Variants in NPAT observed in about 807,000 individuals in gnomAD.
NPAT encodes protein NPAT.
A neutral mutation model predicts 130.7 loss-of-function variants in NPAT; 52 were observed. The ratio of observed to expected loss-of-function variants is 0.40; its 90% confidence interval spans 0.32 to 0.50. NPAT has a LOEUF of 0.50. Among genes scored for constraint, NPAT ranks in the 20% least tolerant of loss-of-function variants. The pLI is 0.68. For synonymous variants in NPAT, 580 were observed against 584.8 expected, an observed-to-expected ratio of 0.99 and a Z score of 0.12; for missense variants, 1,687 against 1,662.6, an observed-to-expected ratio of 1.01 and a Z score of -0.26.
At chr11:108,176,185 T>C (rs2078004194) in intron 12 of NPAT, 61 bp downstream of exon 12, 1 of 1,263,620 alleles carries the variant, frequency 7.9e-7, no homozygotes, top group Non-Finnish European at 1.1e-6. Flanking sequence ...TTTTCTGCCT[T>C]TGAATTTTGA....
intron 4 of NPAT, 44 bp from the exon 5 acceptor site, chr11:108,190,544 T>C (rs2078159622): frequency 6.5e-7 from 1 of 1,549,566 alleles, no homozygotes; most frequent in Admixed American, 1.7e-5. Context: ...AAATGTTTGT[T>C]GCTGACATCC....
chr11:108,185,271 C>T lies in NPAT; in HGVS notation c.867G>A (p.Thr289=), dbSNP rs574212505. The part of the protein sequence containing the change: ...QVPKQTDNNP[T]EPETSIDEFL... ...ATTCATCAATTGAAGTCTCTGGCTC[C>T]GTAGGGTTGTTATCTGTTTGCTTAG... Residue 289 remains threonine (T), a synonymous_variant, in exon 10 of 18, where the codon ACG becomes ACA. Transcript: ENST00000278612. 9.3e-6 allele frequency: 15 copies of T among 1,612,360 alleles called. No individual in the cohort carries two copies. Among genetic ancestry groups the T allele is most frequent in the Middle Eastern group, 1.7e-4 (1 of 6,058 alleles).
At chr11:108,200,698 C>A (rs1165566563) in intron 1 of NPAT, among the ~76,000 whole-genome samples, 1 of 152,114 alleles carries the variant, frequency 6.6e-6, no homozygotes. Flanking sequence ...CCTGCAACAG[C>A]CCTTGTAATA....
intron 1 of NPAT, among the ~76,000 whole-genome samples, chr11:108,201,782 A>T (rs914144109): frequency 1.3e-5 from 2 of 152,220 alleles, no homozygotes; most frequent in African/African-American, 4.8e-5. Flanking sequence ...TATTAGAGAG[A>T]TCTGCAGTTA....
Position 108,173,864 on chromosome 11 carries a change from A to G in NPAT, c.1133-13T>C, listed in dbSNP as rs1407571561. On this transcript the variant is annotated splice_polypyrimidine_tract_variant and intron_variant, in intron 12 of 17. Transcript: ENST00000278612. Reference sequence around the variant, plus strand: ...CCAGACTGACCATCTGCAAAGTATCAGGCAGGTAGACAGATATGGTAAATA... The same window carrying G: ...CCAGACTGACCATCTGCAAAGTATCGGGCAGGTAGACAGATATGGTAAATA... 2 of 1,608,464 alleles carry G rather than the reference A, an allele frequency of 1.2e-6. No homozygotes were observed. The highest frequency in any genetic ancestry group is 1.1e-5 in the South Asian group (1 of 90,962).
intron 5 of NPAT, among the ~76,000 whole-genome samples, chr11:108,189,843 CT>C (rs2134864074): frequency 6.9e-6 from 1 of 144,470 alleles, no homozygotes; most frequent in Admixed American, 7.0e-5. Flanking sequence ...GCACTCCAGC[CT>C]GGGCGACAGA....
At chr11:108,199,792 C>G (rs907122308) in intron 1 of NPAT, among the ~76,000 whole-genome samples, 1 of 152,198 alleles carries the variant, frequency 6.6e-6, no homozygotes, top group Admixed American at 6.5e-5. Flanking sequence ...CTGGCTGAGG[C>G]TACACCTCAG....
At chr11:108,202,131 G>A in intron 1 of NPAT, among the ~76,000 whole-genome samples, 1 of 152,150 alleles carries the variant, frequency 6.6e-6, no homozygotes, top group East Asian at 1.9e-4. Context: ...CTGATTCTAA[G>A]TATACTTTCC....
chr11:108,171,124 ATTTTTTTTTTTT>A lies in NPAT; in HGVS notation c.2785+1063_2785+1074del, dbSNP rs63478164. ...CCACAAGAGCCCCTATGAAAAAAGG[ATTTTTTTTTTTT>A]TTTTTTTTTTTGGAGACAGAGTCTT... On this transcript the variant is annotated intron_variant, in intron 13 of 17. Coordinates refer to ENST00000278612, the MANE Select transcript of NPAT (RefSeq NM_002519.3). The A allele has an allele frequency of 5.2e-5, 5 of 95,848 alleles. No individual in the cohort carries two copies. In the Admixed American group the frequency reaches 5.9e-4, roughly 11 times the overall value. The allele number at this position is 95,848 out of a possible 1,614,324, so 5.9% of individuals were successfully genotyped here.
At chr11:108,213,542 G>A (rs1404775111) in intron 1 of NPAT, among the ~76,000 whole-genome samples, 1 of 152,164 alleles carries the variant, frequency 6.6e-6, no homozygotes, top group African/African-American at 2.4e-5. Context: ...TGTGTTCATG[G>A]ACTGAAAGGT....
At chr11:108,198,558 G>A (rs1167164041) in intron 1 of NPAT, among the ~76,000 whole-genome samples, 1 of 152,188 alleles carries the variant, frequency 6.6e-6, no homozygotes, top group Non-Finnish European at 1.5e-5. Context: ...GCCAAAGACA[G>A]TCTGAAGCCT....
chr11:108,209,948 A>G (rs1029419019), intron 1 of NPAT, among the ~76,000 whole-genome samples: 1 of 151,826 alleles, frequency 6.6e-6, no homozygotes, highest in Non-Finnish European at 1.5e-5. Context: ...AAGAAACTAG[A>G]AAAAGAGCAA....
chr11:108,218,960 A>G (rs1366060550), intron 1 of NPAT, among the ~76,000 whole-genome samples: 1 of 152,218 alleles, frequency 6.6e-6, no homozygotes. Context: ...CAAATGTTTT[A>G]TTAAATATCT....
At chr11:108,167,380 A>T (rs371614538) in intron 15 of NPAT, among the ~76,000 whole-genome samples, 1 of 152,052 alleles carries the variant, frequency 6.6e-6, no homozygotes, top group African/African-American at 2.4e-5. Flanking sequence ...GGCTACTTTT[A>T]AAAAATTTAT....
Position 108,189,108 on chromosome 11 carries a change from G to A in NPAT, c.554C>T (p.Thr185Ile), listed in dbSNP as rs1419673233. The A allele has an allele frequency of 6.2e-7, 1 of 1,609,964 alleles. No homozygotes were observed. The highest frequency in any genetic ancestry group is 8.5e-7 in the Non-Finnish European group (1 of 1,176,472). ...VNHSQSQDTV[T>I]TGEALNVIPG... ...AAGAGAACAAAATGTAAACTTACTG[G>A]TTACAGTATCTTGTGACTGTGAGTG... Residue 185 changes from threonine to isoleucine, a missense_variant and splice_region_variant, in exon 6 of 18, where the codon ACC (threonine) becomes ATC (isoleucine). Around this residue, in one of 3 missense-constraint regions of NPAT, gnomAD observed 307 missense variants for 298.9 expected, o/e 1.03. Coordinates refer to ENST00000278612, the MANE Select transcript of NPAT (RefSeq NM_002519.3).
At chr11:108,164,399 T>C (rs566368194) in intron 15 of NPAT, among the ~76,000 whole-genome samples, 1 of 152,288 alleles carries the variant, frequency 6.6e-6, no homozygotes, top group African/African-American at 2.4e-5. Context: ...ATAGAGTAGC[T>C]AGTGGCTATG....
chr11:108,169,601 T>C (rs1027636750), intron 15 of NPAT, 143 bp downstream of exon 15: 1 of 691,604 alleles, frequency 1.4e-6, no homozygotes, highest in Admixed American at 2.2e-5. Context: ...GTTGGCTGCA[T>C]TATGACATCT....
chr11:108,193,757 C>G (rs1291565111), intron 3 of NPAT, among the ~76,000 whole-genome samples, 200 bp downstream of exon 3: 1 of 151,334 alleles, frequency 6.6e-6, no homozygotes, highest in African/African-American at 2.4e-5. Context: ...AAACAACAAC[C>G]AAAAAAACAA....
intron 17 of NPAT, among the ~76,000 whole-genome samples, chr11:108,159,590 TATG>T (rs1047626735): frequency 5.9e-5 from 9 of 152,302 alleles, no homozygotes; most frequent in African/African-American, 1.9e-4. Flanking sequence ...ATACTTCCTC[TATG>T]ATATTTTAAG....
Sources: allele counts gnomAD v4.1 joint callset (sites outside exome capture counted in the v4.1 genomes callset), GRCh38; gene constraint gnomAD v4.1.1; regional missense constraint gnomAD v4.1.1; transcripts MANE v1.5; gene names NCBI Gene and HGNC (gene_info 2026-07-23, HGNC 2026-07-21).